The following PALS1 variants were observed in gnomAD, a reference collection of about 807,000 sequenced individuals.
The protein encoded by PALS1 is protein PALS1.
Under a neutral mutation model 78.9 loss-of-function variants are expected in PALS1, and 31 were observed. That is an observed-to-expected ratio of 0.39 (90% CI 0.30 to 0.53). The LOEUF (loss-of-function observed/expected upper bound fraction) is 0.53, where lower values mean the gene tolerates loss of function less well. Among genes scored for constraint, PALS1 ranks in the 20% least tolerant of loss-of-function variants. The pLI, the probability that PALS1 is intolerant of heterozygous loss-of-function variation, is 0.67. For synonymous variants in PALS1, 276 were observed against 270.9 expected (o/e 1.02, Z -0.18); for missense variants, 704 against 826.5 (o/e 0.85, Z 1.82).
intron 1 of PALS1, among the ~76,000 whole-genome samples, chr14:67,252,254 A>G (rs529917480): frequency 6.6e-4 from 101 of 152,202 alleles, no homozygotes; most frequent in Non-Finnish European, 3.1e-4. Context: ...CAGTGGCATG[A>G]TCATAGCTCA....
intron 4 of PALS1, among the ~76,000 whole-genome samples, chr14:67,300,506 T>C (rs2084916241): frequency 6.6e-6 from 1 of 152,152 alleles, no homozygotes; most frequent in African/African-American, 2.4e-5. Flanking sequence ...TTTTGTATTT[T>C]TAGTAGAGAC....
intron 13 of PALS1, 94 bp downstream of exon 13, chr14:67,321,353 G>A (rs542848517): frequency 9.5e-6 from 11 of 1,153,806 alleles, no homozygotes; most frequent in African/African-American, 6.1e-5. Flanking sequence ...AGAACAGCGC[G>A]ACCTAATTAA....
intron 1 of PALS1, among the ~76,000 whole-genome samples, chr14:67,266,144 G>A (rs9743912): frequency 0.21 from 32,230 of 151,752 alleles, 5,198 homozygotes; most frequent in East Asian, 0.49. Context: ...TGAGTTAAAC[G>A]AGTTCAGTTT....
rs77476552 is a variant in PALS1 at position 67,302,801 on chromosome 14, G to A, written c.963+230G>A. ...CTATCACATATATTTTATTTTTCTG[G>A]AATCAGTAATATAACTCATTAATTC... On this transcript the variant is annotated intron_variant, in intron 7 of 14. Coordinates refer to ENST00000261681, the MANE Select transcript of PALS1 (RefSeq NM_022474.4). Among the ~76,000 whole-genome samples the A allele has an allele frequency of 3.5e-3, 530 of 151,428 alleles. 17 individuals carry two copies. In the East Asian group the frequency reaches 0.087, roughly 25 times the overall value.
chr14:67,260,176 C>T (rs2084213461), intron 1 of PALS1, among the ~76,000 whole-genome samples: 4 of 152,206 alleles, frequency 2.6e-5, no homozygotes, highest in Non-Finnish European at 5.9e-5. Context: ...CATCTTCCAG[C>T]AATCCATATT....
chr14:67,293,928 T>C (rs1044492408), intron 4 of PALS1, among the ~76,000 whole-genome samples: 5 of 151,784 alleles, frequency 3.3e-5, no homozygotes, highest in African/African-American at 7.3e-5. Context: ...ATTGCTCCAA[T>C]TGAAAAAAGC....
intron 14 of PALS1, among the ~76,000 whole-genome samples, chr14:67,330,082 A>G (rs923022813): frequency 6.6e-6 from 1 of 150,542 alleles, no homozygotes; most frequent in Non-Finnish European, 1.5e-5. Flanking sequence ...ATGCCAGACA[A>G]ATGCTCTGCT....
In PALS1 at chr14:67,320,307, A is replaced by G. The variant is rs768416202; in HGVS notation, c.1447A>G (p.Ile483Val). 1.1e-5 allele frequency: 18 copies of G among 1,613,922 alleles called. No homozygotes were observed. The highest frequency in any genetic ancestry group is 3.3e-4 in the Middle Eastern group (2 of 6,084). ...GCCAGCAAATAGGAAGAGACCTATC[A>G]TCTTGATTGGTCCACAGAACTGTGG... ...HQPANRKRPI[I>V]LIGPQNCGQN... The change falls in exon 12 of 15, where the codon ATC (isoleucine) becomes GTC (valine). Residue 483 changes from isoleucine (I) to valine (V), a missense_variant. Physicochemically the swap from Ile to Val is conservative, Grantham distance 29 (BLOSUM62 3). Coordinates refer to ENST00000261681, the MANE Select transcript of PALS1 (RefSeq NM_022474.4).
In PALS1 at chr14:67,302,051, G is replaced by C. The variant is rs764531201; in HGVS notation, c.734G>C (p.Ser245Thr). Residue 245 changes from serine (S) to threonine (T), a missense_variant, in exon 6 of 15, where the codon AGT becomes ACT. Transcript: ENST00000261681. Reference protein sequence around the residue: ...EPITDERVYESIGQYGGETVK... With the variant: ...EPITDERVYETIGQYGGETVK... ...ATTACAGATGAGAGAGTTTATGAAAGTATTGGCCAGTATGGAGGAGAAACT... is the reference window on the plus strand; with the variant it reads ...ATTACAGATGAGAGAGTTTATGAAACTATTGGCCAGTATGGAGGAGAAACT... The C allele has an allele frequency of 2.5e-6, 4 of 1,609,538 alleles. No homozygotes were observed. The highest frequency in any genetic ancestry group is 1.7e-6 in the Non-Finnish European group (2 of 1,177,936).
intron 2 of PALS1, among the ~76,000 whole-genome samples, chr14:67,278,185 C>CA (rs2084537326): frequency 6.6e-6 from 1 of 151,994 alleles, no homozygotes; most frequent in Non-Finnish European, 1.5e-5. Context: ...TACAGACACC[C>CA]ACCACCACAC....
chr14:67,249,468 T>A (rs983228285), intron 1 of PALS1, among the ~76,000 whole-genome samples: 16 of 152,216 alleles, frequency 1.1e-4, no homozygotes, highest in Non-Finnish European at 4.4e-5. Context: ...ATCTGACACA[T>A]AGCAGATACT....
intron 14 of PALS1, among the ~76,000 whole-genome samples, chr14:67,329,835 AAAATAAATAAAT>A (rs199845948): frequency 1.9e-3 from 181 of 96,948 alleles, no homozygotes; most frequent in Middle Eastern, 9.3e-3. Flanking sequence ...CTTGGTCTCA[AAAATAAATAAAT>A]AAATAAATAA....
intron 1 of PALS1, among the ~76,000 whole-genome samples, chr14:67,258,422 G>C (rs1371163722): frequency 2.0e-5 from 3 of 152,142 alleles, no homozygotes; most frequent in African/African-American, 7.2e-5. Flanking sequence ...TGTAGTCCCA[G>C]CTACTTGGGG....
At chr14:67,276,753 G>C (rs2084512759) in intron 2 of PALS1, among the ~76,000 whole-genome samples, 1 of 152,160 alleles carries the variant, frequency 6.6e-6, no homozygotes, top group South Asian at 2.1e-4. Flanking sequence ...ATTTTTCTGA[G>C]AGCAAAGGTT....
intron 1 of PALS1, among the ~76,000 whole-genome samples, chr14:67,244,331 T>C (rs1277476200): frequency 6.6e-6 from 1 of 152,230 alleles, no homozygotes; most frequent in Admixed American, 6.5e-5. Context: ...ACAGCCAAAT[T>C]ACCCTTTTTA....
chr14:67,309,051 A>G (rs1469309591), intron 8 of PALS1, among the ~76,000 whole-genome samples: 1 of 152,230 alleles, frequency 6.6e-6, no homozygotes, highest in Non-Finnish European at 1.5e-5. Flanking sequence ...AATTGCGTCC[A>G]AACAGTTCTA....
chr14:67,331,112 TTGGTTCAC>T (rs2085443061), intron 14 of PALS1, among the ~76,000 whole-genome samples: 1 of 152,202 alleles, frequency 6.6e-6, no homozygotes, highest in African/African-American at 2.4e-5. Flanking sequence ...TGGCACAATC[TTGGTTCAC>T]TGCAACCTCT....
intron 1 of PALS1, among the ~76,000 whole-genome samples, chr14:67,242,847 A>C (rs751052550): frequency 1.8e-4 from 27 of 152,248 alleles, no homozygotes; most frequent in Non-Finnish European, 3.4e-4. Context: ...AACTTGACAA[A>C]TTAAGGTGGA....
intron 4 of PALS1, chr14:67,294,518 A>G (rs2084816415): frequency 6.6e-6 from 1 of 152,192 alleles, no homozygotes; most frequent in Admixed American, 6.5e-5. Context: ...AACATTCAGA[A>G]GTATTCTTTG....
Sources: gnomAD v4.1 joint callset for allele counts (sites outside exome capture counted in the v4.1 genomes callset) on GRCh38, gnomAD v4.1.1 for gene constraint, MANE v1.5 for transcripts, NCBI Gene and HGNC (gene_info 2026-07-23, HGNC 2026-07-21) for gene names.